The following FBXL17 variants were observed in gnomAD, a reference collection of about 807,000 sequenced individuals.
The protein encoded by FBXL17 is F-box/LRR-repeat protein 17.
FBXL17 carries 22 observed loss-of-function variants against 66.2 expected under a neutral mutation model. The ratio of observed to expected loss-of-function variants is 0.33; its 90% CI spans 0.24 to 0.47. The LOEUF (loss-of-function observed/expected upper bound fraction) is 0.47, where lower values mean the gene tolerates loss of function less well. Among genes scored for constraint, FBXL17 ranks in the 20% least tolerant of loss-of-function variants. FBXL17 has a pLI of 1.00. For missense variants in FBXL17, 878 were observed against 948.2 expected (o/e 0.93, Z 0.97); for synonymous variants, 474 against 400.5 (o/e 1.18, Z -2.19).
chr5:107,964,640 C>T (rs187403111), intron 7 of FBXL17, among the ~76,000 whole-genome samples: 21 of 152,196 alleles, frequency 1.4e-4, no homozygotes, highest in Middle Eastern at 3.4e-3. Flanking sequence ...CAATGGATAG[C>T]TTTACCTTCA....
chr5:107,988,823 T>C (rs1414585115), intron 7 of FBXL17, among the ~76,000 whole-genome samples: 1 of 152,120 alleles, frequency 6.6e-6, no homozygotes, highest in East Asian at 1.9e-4. Context: ...CACGCTGGAA[T>C]TTAACTCCAA....
Position 108,380,712 on chromosome 5 carries a change from G to A in FBXL17, c.980C>T (p.Ser327Phe). The change falls in exon 1 of 9, where the codon TCC becomes TTC. Residue 327 changes from serine to phenylalanine, a missense_variant. By Grantham distance (155) the Ser-to-Phe change is radical (BLOSUM62 -2). Transcript: ENST00000542267. ...GCCCAGACCCACCTTGAGCAGGATG[G>A]ACGGCGGCAGCTGGTTGATGTCTGG... ...ETPDINQLPPSILLKIFSNLS... is the reference protein window; with the variant it reads ...ETPDINQLPPFILLKIFSNLS... The A allele has an allele frequency of 5.6e-6, 7 of 1,249,602 alleles. No individual in the cohort carries two copies. The highest frequency in any genetic ancestry group is 7.1e-6 in the Non-Finnish European group (7 of 989,196). 77.4% of individuals were successfully genotyped at this position (1,249,602 alleles called of 1,614,324 possible). A position where few individuals can be genotyped will look rare whatever the true frequency, so the allele number is the denominator to read the frequency against.
chr5:107,982,156 ATATACAGTACTC>A (rs1196425652), intron 7 of FBXL17, among the ~76,000 whole-genome samples: 1 of 152,214 alleles, frequency 6.6e-6, no homozygotes, highest in African/African-American at 2.4e-5. Context: ...AGATATTTGA[ATATACAGTACTC>A]TCCACTTAAA....
chr5:107,889,865 C>G (rs761531410), intron 7 of FBXL17, among the ~76,000 whole-genome samples: 2 of 152,130 alleles, frequency 1.3e-5, no homozygotes, highest in Non-Finnish European at 2.9e-5. Context: ...TGATTCCTAT[C>G]ATGTGACTTC....
intron 7 of FBXL17, among the ~76,000 whole-genome samples, chr5:107,965,453 T>C (rs1355910776): frequency 2.0e-5 from 3 of 152,154 alleles, no homozygotes; most frequent in Non-Finnish European, 4.4e-5. Context: ...ATTGTTTCGA[T>C]TTATAAAAAT....
At chr5:108,286,407 A>C (rs1757903098) in intron 4 of FBXL17, among the ~76,000 whole-genome samples, 1 of 152,048 alleles carries the variant, frequency 6.6e-6, no homozygotes, top group Non-Finnish European at 1.5e-5. Flanking sequence ...GCATCTGCCC[A>C]AAAGCTCCTT....
intron 7 of FBXL17, among the ~76,000 whole-genome samples, chr5:107,938,460 T>C (rs1212517620): frequency 2.6e-5 from 4 of 152,162 alleles, no homozygotes; most frequent in African/African-American, 9.6e-5. Context: ...TTTATCTGTC[T>C]TTTAGTGACA....
intron 5 of FBXL17, among the ~76,000 whole-genome samples, chr5:108,208,273 CTGA>C (rs1400509418): frequency 6.6e-6 from 1 of 152,214 alleles, no homozygotes; most frequent in Non-Finnish European, 1.5e-5. Flanking sequence ...TCTGTTCACT[CTGA>C]TGATAATTTC....
At position 108,381,374 on chromosome 5, in the gene FBXL17, G is replaced by C; in HGVS notation, c.318C>G (p.Ala106=). Residue 106 remains alanine (A), a synonymous_variant, in exon 1 of 9, where the codon GCC becomes GCG. Transcript: ENST00000542267. Reference sequence around the variant, plus strand: ...CAGCGGCGCAGTCCTCGGCGGCCAGGGCCGCGTAGCGCCGCGCCAGGTGCT... The same window carrying C: ...CAGCGGCGCAGTCCTCGGCGGCCAGCGCCGCGTAGCGCCGCGCCAGGTGCT... The part of the protein sequence containing the change: ...SSQHLARRYA[A]LAAEDCAAAA... 1 of 1,330,514 alleles carries C rather than the reference G, an allele frequency of 7.5e-7. No individual in the cohort carries two copies. The allele number at this position is 1,330,514 out of a possible 1,614,324, so 82.4% of individuals were successfully genotyped here. A position where few individuals can be genotyped will look rare whatever the true frequency, so the allele number is the denominator to read the frequency against.
At chr5:107,925,268 T>C (rs758412501) in intron 7 of FBXL17, among the ~76,000 whole-genome samples, 2 of 152,230 alleles carry the variant, frequency 1.3e-5, no homozygotes, top group African/African-American at 2.4e-5. Flanking sequence ...ATCTCTATTC[T>C]AAAAAGAGAA....
intron 4 of FBXL17, among the ~76,000 whole-genome samples, chr5:108,334,601 A>G (rs1760289744): frequency 6.6e-6 from 1 of 152,222 alleles, no homozygotes; most frequent in Non-Finnish European, 1.5e-5. Flanking sequence ...ATTATGACCA[A>G]CTGTGAAACC....
chr5:108,149,786 T>A (rs1751697577), intron 6 of FBXL17, among the ~76,000 whole-genome samples: 1 of 152,216 alleles, frequency 6.6e-6, no homozygotes, highest in Admixed American at 6.5e-5. Flanking sequence ...TGTGTTTTCT[T>A]ACATCCCATA....
intron 7 of FBXL17, among the ~76,000 whole-genome samples, chr5:107,975,803 T>G (rs1752554405): frequency 6.6e-6 from 1 of 151,798 alleles, no homozygotes; most frequent in Non-Finnish European, 1.5e-5. Flanking sequence ...ACATGTAAAT[T>G]TGACACTTTG....
chr5:108,308,792 T>C (rs1483827147), intron 4 of FBXL17, among the ~76,000 whole-genome samples: 1 of 152,078 alleles, frequency 6.6e-6, no homozygotes, highest in Non-Finnish European at 1.5e-5. Flanking sequence ...TAATTGTAAA[T>C]TTACTGATTT....
Position 108,055,383 on chromosome 5 carries a change from C to T in FBXL17, c.1746-34382G>A, listed in dbSNP as rs1162250075. 2.1e-5 allele frequency among the ~76,000 whole-genome samples: 3 copies of T among 143,240 alleles called. No homozygotes were observed. In the East Asian group the frequency reaches 6.5e-4, roughly 31 times the overall value. 94.0% of individuals were successfully genotyped at this position (143,240 alleles called of 152,430 possible). ...CAGCACTTTGAGAGGCCGAGGCGGG[C>T]GGATCACAAGGTCAGGAGATTGAGA... On this transcript the variant is annotated intron_variant, in intron 6 of 8. Coordinates refer to ENST00000542267, the MANE Select transcript of FBXL17 (RefSeq NM_001163315.3).
intron 4 of FBXL17, among the ~76,000 whole-genome samples, chr5:108,255,383 A>G (rs1016203204): frequency 5.3e-5 from 8 of 152,196 alleles, no homozygotes; most frequent in African/African-American, 1.9e-4. Context: ...AAAAACTGAC[A>G]TGATTTTTTA....
chr5:107,955,068 G>A (rs1370861155), intron 7 of FBXL17, among the ~76,000 whole-genome samples: 2 of 152,020 alleles, frequency 1.3e-5, no homozygotes, highest in African/African-American at 4.8e-5. Flanking sequence ...AAAATGATCA[G>A]TTTTAATTAT....
chr5:108,157,384 A>T (rs752800379), intron 6 of FBXL17, among the ~76,000 whole-genome samples: 3 of 151,988 alleles, frequency 2.0e-5, no homozygotes, highest in Non-Finnish European at 2.9e-5. Context: ...ACTAAATTAC[A>T]TTATTTCATA....
At chr5:108,001,153 C>T (rs1753705050) in intron 7 of FBXL17, among the ~76,000 whole-genome samples, 1 of 152,168 alleles carries the variant, frequency 6.6e-6, no homozygotes, top group African/African-American at 2.4e-5. Flanking sequence ...TGTGGTAGTA[C>T]ACGTTGCTAG....
Sources: gnomAD v4.1 joint callset for allele counts (sites outside exome capture counted in the v4.1 genomes callset) on GRCh38, gnomAD v4.1.1 for gene constraint, MANE v1.5 for transcripts, NCBI Gene and HGNC (gene_info 2026-07-23, HGNC 2026-07-21) for gene names.